TTC17: variants seen among roughly 807,000 people sequenced by gnomAD.
The protein encoded by TTC17 is tetratricopeptide repeat domain 17, also known as tetratricopeptide repeat protein 17.
TTC17 carries 58 observed loss-of-function variants against 143.8 expected under a neutral mutation model. The ratio of observed to expected loss-of-function variants is 0.40; its 90% confidence interval spans 0.33 to 0.50. The LOEUF is 0.50. Ranked by LOEUF, TTC17 falls within the 20% of genes least tolerant of loss-of-function variation. TTC17 has a pLI of 0.49. For synonymous variants in TTC17, 501 were observed against 497.8 expected (o/e 1.01, Z -0.09); for missense variants, 1,273 against 1,392.5 (o/e 0.91, Z 1.37).
chr11:43,466,786 G>A (rs1486274552), intron 21 of TTC17: 3 of 318,954 alleles, frequency 9.4e-6, no homozygotes, highest in East Asian at 8.4e-5. Flanking sequence ...GTGAAAGAGG[G>A]CATGAATATT....
At chr11:43,484,774 C>T (rs1472262609) in intron 21 of TTC17, among the ~76,000 whole-genome samples, 1 of 152,124 alleles carries the variant, frequency 6.6e-6, no homozygotes, top group Admixed American at 6.6e-5. Context: ...GACTCGAATA[C>T]AGGGGTCCAA....
rs750958181 is a variant in TTC17 at position 43,443,581 on chromosome 11, A to G, written c.2508A>G (p.Glu836=). 54 of 1,606,514 alleles carry G rather than the reference A, an allele frequency of 3.4e-5. No individual in the cohort carries two copies. The Admixed American group carries it at 9.0e-4, about 27-fold the overall frequency. ...DCRSEDDEAT[E]WITFQVKRVK... ...GAAGTGAAGATGATGAAGCAACAGA[A>G]TGGGTAAGTTTGCCAACTTAATTCT... The change falls in exon 17 of 24, where the codon GAA becomes GAG. Residue 836 remains glutamate, a synonymous_variant. Coordinates refer to ENST00000039989, the MANE Select transcript of TTC17 (RefSeq NM_018259.6).
Position 43,423,305 on chromosome 11 carries a change from AGAG to A in TTC17, c.2251+8533_2251+8535del, listed in dbSNP as rs138995667. On this transcript the variant is annotated intron_variant, in intron 16 of 23. Coordinates refer to ENST00000039989, the MANE Select transcript of TTC17 (RefSeq NM_018259.6). The stretch of plus-strand genomic sequence containing the variant: ...TCAATGTTGTTAAGAATGGGAATAC[AGAG>A]GAGAAATCATCTATGCATTGATGTG... Among the ~76,000 whole-genome samples, 708 of 152,370 alleles carry A rather than the reference AGAG, an allele frequency of 4.6e-3. 7 individuals carry two copies. The highest frequency in any genetic ancestry group is 0.016 in the African/African-American group (680 of 41,582).
At chr11:43,418,107 A>AT (rs869226002) in intron 16 of TTC17, among the ~76,000 whole-genome samples, 7 of 152,200 alleles carry the variant, frequency 4.6e-5, no homozygotes, top group Non-Finnish European at 7.4e-5. Context: ...TGCTAAAAAA[A>AT]TTTTTTTGTA....
At position 43,397,067 on chromosome 11, in the gene TTC17, A is replaced by G. The variant is rs1857623603; in HGVS notation, c.773+249A>G. 6.4e-6 allele frequency: 3 copies of G among 471,000 alleles called. No individual in the cohort carries two copies. The South Asian group carries it at 1.5e-4, about 24-fold the overall frequency. 29.2% of individuals were successfully genotyped at this position (471,000 alleles called of 1,614,324 possible). ...ATGTAGATGCCCTATGATTCACATGATACTTGAATGGAATTATCATAAACT... is the reference window on the plus strand; with the variant it reads ...ATGTAGATGCCCTATGATTCACATGGTACTTGAATGGAATTATCATAAACT... On this transcript the variant is annotated intron_variant, in intron 6 of 23. Coordinates refer to ENST00000039989, the MANE Select transcript of TTC17 (RefSeq NM_018259.6).
chr11:43,435,437 A>G (rs1039474662), intron 16 of TTC17: 1 of 152,234 alleles, frequency 6.6e-6, no homozygotes, highest in African/African-American at 2.4e-5. Context: ...TCCCCTACCC[A>G]GAGAATGACC....
intron 22 of TTC17, 118 bp downstream of exon 22, chr11:43,490,476 G>C: frequency 7.1e-7 from 1 of 1,411,640 alleles, no homozygotes; most frequent in Non-Finnish European, 9.3e-7. Flanking sequence ...ATATTCCAAG[G>C]AGAGAATGGG....
intron 15 of TTC17, among the ~76,000 whole-genome samples, chr11:43,408,940 A>G (rs914128294): frequency 2.0e-5 from 3 of 151,840 alleles, no homozygotes; most frequent in Non-Finnish European, 4.4e-5. Flanking sequence ...ATGGGGTTTC[A>G]CCATGTTGCC....
chr11:43,393,826 C>T (rs1469712596), intron 5 of TTC17, among the ~76,000 whole-genome samples: 1 of 152,146 alleles, frequency 6.6e-6, no homozygotes, highest in African/African-American at 2.4e-5. Context: ...TTGTTCTTAC[C>T]ACATACTAGG....
chr11:43,433,235 G>A (rs1444828090), intron 16 of TTC17, among the ~76,000 whole-genome samples: 2 of 152,074 alleles, frequency 1.3e-5, no homozygotes, highest in African/African-American at 4.8e-5. Context: ...TCTTGACCTC[G>A]TGATCCGCCT....
chr11:43,410,788 T>C (rs1858374644), intron 15 of TTC17, among the ~76,000 whole-genome samples: 3 of 152,208 alleles, frequency 2.0e-5, no homozygotes, highest in African/African-American at 4.8e-5. Flanking sequence ...CAGGAAATAA[T>C]AAAGCTATCT....
At chr11:43,371,648 G>T (rs1057227767) in intron 1 of TTC17, among the ~76,000 whole-genome samples, 14 of 152,112 alleles carry the variant, frequency 9.2e-5, no homozygotes, top group Admixed American at 5.9e-4. Flanking sequence ...TTAACCTTCA[G>T]CCCCTCTTCT....
At chr11:43,461,550 C>G (rs1947869111) in intron 21 of TTC17, among the ~76,000 whole-genome samples, 1 of 152,050 alleles carries the variant, frequency 6.6e-6, no homozygotes, top group Non-Finnish European at 1.5e-5. Flanking sequence ...AAAACAGAGA[C>G]AATTTGGCAC....
In TTC17 at chr11:43,420,007, G is replaced by A. The variant is rs75494204; in HGVS notation, c.2251+5231G>A. 5.1e-3 allele frequency among the ~76,000 whole-genome samples: 783 copies of A among 152,314 alleles called. 6 individuals carry two copies. The highest frequency in any genetic ancestry group is 0.018 in the African/African-American group (758 of 41,554). On this transcript the variant is annotated intron_variant, in intron 16 of 23. Transcript: ENST00000039989. ...CCAGATGTACTTCTGTGTATGTAATGTGTCTAAATCTGTATATTTCTTTAC... is the reference window on the plus strand; with the variant it reads ...CCAGATGTACTTCTGTGTATGTAATATGTCTAAATCTGTATATTTCTTTAC...
intron 5 of TTC17, among the ~76,000 whole-genome samples, chr11:43,395,910 C>T (rs1857571764): frequency 6.6e-6 from 1 of 151,912 alleles, no homozygotes; most frequent in Non-Finnish European, 1.5e-5. Flanking sequence ...CGTAATTATT[C>T]CCCATAGGAT....
intron 16 of TTC17, among the ~76,000 whole-genome samples, chr11:43,442,399 A>G (rs1947443397): frequency 6.6e-6 from 1 of 152,210 alleles, no homozygotes; most frequent in African/African-American, 2.4e-5. Context: ...TCCTGTGGGT[A>G]CATGTTACAA....
chr11:43,408,826 C>T (rs376664975), intron 15 of TTC17, among the ~76,000 whole-genome samples: 6 of 152,220 alleles, frequency 3.9e-5, no homozygotes, highest in African/African-American at 1.4e-4. Flanking sequence ...ACTGCAGCCT[C>T]CACCTCCTAG....
Position 43,389,659 on chromosome 11 carries a change from T to C in TTC17, c.257T>C (p.Leu86Ser). Residue 86 changes from leucine to serine, a missense_variant, in exon 3 of 24, where the codon TTA becomes TCA. Transcript: ENST00000039989. Reference sequence around the variant, plus strand: ...TTACTTTCTTCTCAACAGAAACAATTAGTTGCTCAAAAAATTCACATAGAA... The same window carrying C: ...TTACTTTCTTCTCAACAGAAACAATCAGTTGCTCAAAAAATTCACATAGAA... ...VNYLKELEKQLVAQKIHIEEN... is the reference protein window; with the variant it reads ...VNYLKELEKQSVAQKIHIEEN... 6.2e-7 allele frequency: 1 copy of C among 1,606,518 alleles called. No homozygotes were observed.
Position 43,358,971 on chromosome 11 carries a change from G to A in TTC17, c.17G>A (p.Gly6Glu). Residue 6 changes from glycine (G) to glutamate (E), a missense_variant, in exon 1 of 24, where the codon GGG becomes GAG. Gly to Glu is a moderately conservative substitution (Grantham distance 98). This residue lies in a region of TTC17 where 70 missense variants were observed against 48.5 expected (regional missense o/e 1.44). Coordinates refer to ENST00000039989, the MANE Select transcript of TTC17 (RefSeq NM_018259.6). ...GGGGGCAAGATGGCGGCGGCAGTAG[G>A]GGTTCGTGGCCGGTACGAGCTGCCG... Reference protein sequence around the residue: MAAAVGVRGRYELPPC... With the variant: MAAAVEVRGRYELPPC... 6 of 1,579,498 alleles carry A rather than the reference G, an allele frequency of 3.8e-6. No individual in the cohort carries two copies. The highest frequency in any genetic ancestry group is 2.4e-5 in the East Asian group (1 of 40,844).
Sources: gnomAD v4.1 joint callset for allele counts (sites outside exome capture counted in the v4.1 genomes callset) on GRCh38, gnomAD v4.1.1 for gene constraint, gnomAD v4.1.1 regional missense constraint, MANE v1.5 for transcripts, NCBI Gene and HGNC (gene_info 2026-07-23, HGNC 2026-07-21) for gene names.